The following UGT2A1 variants were observed in gnomAD, a reference collection of about 807,000 sequenced individuals.
The protein encoded by UGT2A1 is UDP glucuronosyltransferase family 2 member A1 complex locus.
In UGT2A1, 61 loss-of-function variants were observed where a neutral mutation model predicts 45.4. The ratio of observed to expected loss-of-function variants is 1.34; its 90% CI spans 1.09 to 1.66. UGT2A1 has a LOEUF of 1.66. UGT2A1 is among the 40% of genes most tolerant of loss of function. The probability of loss-of-function intolerance (pLI) is 0.00; values close to 1 mark genes in which losing one functional copy is unlikely to be tolerated. For synonymous variants in UGT2A1, 229 were observed against 196.2 expected (o/e 1.17, Z -1.40); for missense variants, 649 against 574.3 (o/e 1.13, Z -1.33).
intron 1 of UGT2A1, among the ~76,000 whole-genome samples, chr4:69,650,257 A>T (rs1722463061): frequency 6.6e-6 from 1 of 152,106 alleles, no homozygotes; most frequent in Non-Finnish European, 1.5e-5. Context: ...TTGGGTACCT[A>T]CTATTCACAC....
intron 1 of UGT2A1, among the ~76,000 whole-genome samples, chr4:69,648,376 T>C (rs1722378449): frequency 6.6e-6 from 1 of 151,754 alleles, no homozygotes; most frequent in Non-Finnish European, 1.5e-5. Context: ...ATGCTAGTAG[T>C]GAATAGGAGC....
intron 1 of UGT2A1, among the ~76,000 whole-genome samples, chr4:69,652,187 A>T (rs200102757): frequency 1.4e-5 from 2 of 146,418 alleles, no homozygotes; most frequent in Non-Finnish European, 3.0e-5. Context: ...TCTACTGGTT[A>T]ACAACTGCAT....
intron 3 of UGT2A1, among the ~76,000 whole-genome samples, chr4:69,608,565 A>T (rs1193439348): frequency 6.6e-6 from 1 of 152,140 alleles, no homozygotes; most frequent in African/African-American, 2.4e-5. Context: ...AAAGTATAAT[A>T]AAAAGAAAAA....
chr4:69,627,271 TA>T (rs933335367), intron 3 of UGT2A1, among the ~76,000 whole-genome samples: 2 of 151,618 alleles, frequency 1.3e-5, no homozygotes, highest in Non-Finnish European at 1.5e-5. Flanking sequence ...CAGAGATTTA[TA>T]AAAAAAATCA....
chr4:69,630,487 A>G (rs931827802), intron 3 of UGT2A1, among the ~76,000 whole-genome samples: 1 of 152,096 alleles, frequency 6.6e-6, no homozygotes, highest in Non-Finnish European at 1.5e-5. Context: ...AACCACCTTC[A>G]TTTGAATTTT....
chr4:69,625,963 T>C (rs995613153), intron 3 of UGT2A1, among the ~76,000 whole-genome samples: 1 of 151,620 alleles, frequency 6.6e-6, no homozygotes, highest in Non-Finnish European at 1.5e-5. Context: ...ATCTTAAAGA[T>C]ACTCAATAAC....
chr4:69,594,619 T>A lies in UGT2A1; in HGVS notation c.1162A>T (p.Met388Leu). The change falls in exon 6 of 7, where the codon ATG (methionine) becomes TTG (leucine). Residue 388 changes from methionine (M) to leucine (L), a missense_variant. By Grantham distance (15) the Met-to-Leu change is conservative. Transcript: ENST00000286604. ...IYEAIYHGVP[M>L]VGVPMFADQP... ...TCAGCAAACATGGGAACTCCCACCA[T>A]AGGGACTCCGTGGTAAATAGCTTCG... 1 of 1,614,112 alleles carries A rather than the reference T, an allele frequency of 6.2e-7. No individual in the cohort carries two copies. The highest frequency in any genetic ancestry group is 1.3e-5 in the African/African-American group (1 of 75,038).
chr4:69,621,515 G>C (rs2109937022), intron 3 of UGT2A1, among the ~76,000 whole-genome samples: 1 of 152,070 alleles, frequency 6.6e-6, no homozygotes, highest in South Asian at 2.1e-4. Flanking sequence ...ATGCTGGCGA[G>C]GTTGCAGAGA....
intron 3 of UGT2A1, among the ~76,000 whole-genome samples, chr4:69,628,035 T>C (rs1031854655): frequency 7.2e-5 from 11 of 151,994 alleles, no homozygotes; most frequent in African/African-American, 2.7e-4. Flanking sequence ...TAATCTCACT[T>C]GTCTGTTTTT....
chr4:69,594,346 T>C, intron 6 of UGT2A1, 131 bp downstream of exon 6: 1 of 1,222,900 alleles, frequency 8.2e-7, no homozygotes, highest in Non-Finnish European at 1.1e-6. Flanking sequence ...GCAAATAAAA[T>C]AGTTTTTATA....
At chr4:69,627,548 AAGAG>A (rs780406424) in intron 3 of UGT2A1, among the ~76,000 whole-genome samples, 101 of 62,650 alleles carry the variant, frequency 1.6e-3, no homozygotes, top group African/African-American at 3.2e-3. Flanking sequence ...GAGAGAGAGA[AAGAG>A]AGAGAGAGAG....
intron 3 of UGT2A1, among the ~76,000 whole-genome samples, chr4:69,624,283 ATGCAGCCACTCCAC>A (rs1349668934): frequency 6.6e-5 from 10 of 151,518 alleles, no homozygotes; most frequent in African/African-American, 1.7e-4. Context: ...TCTAATATTA[ATGCAGCCACTCCAC>A]CTTTACTTTA....
chr4:69,605,274 A>T (rs1360233966), intron 3 of UGT2A1, among the ~76,000 whole-genome samples: 1 of 137,070 alleles, frequency 7.3e-6, no homozygotes, highest in Non-Finnish European at 1.6e-5. Flanking sequence ...AATTCACTCA[A>T]AACCGCTCAA....
rs985791770 is a variant in UGT2A1 at position 69,603,934 on chromosome 4, C to T, written c.848-4540G>A. Reference sequence around the variant, plus strand: ...GGACTATGTGAAAAGACCAAATCTACGTCTGATTGGTGTACCTGAAAGTGA... The same window carrying T: ...GGACTATGTGAAAAGACCAAATCTATGTCTGATTGGTGTACCTGAAAGTGA... On this transcript the variant is annotated intron_variant, in intron 3 of 6. Coordinates refer to ENST00000286604, the MANE Select transcript of UGT2A1 (RefSeq NM_001252275.3). 3.7e-5 allele frequency among the ~76,000 whole-genome samples: 5 copies of T among 136,366 alleles called. 1 individual carries two copies. The highest frequency in any genetic ancestry group is 2.1e-4 in the East Asian group (1 of 4,838). 89.5% of individuals were successfully genotyped at this position (136,366 alleles called of 152,430 possible). A position where few individuals can be genotyped will look rare whatever the true frequency, so the allele number is the denominator to read the frequency against.
In UGT2A1 at chr4:69,635,687, T is replaced by A; in HGVS notation, c.847+4A>T. The A allele has an allele frequency of 3.6e-6, 1 of 279,838 alleles. No homozygotes were observed. Among genetic ancestry groups the A allele is most frequent in the Non-Finnish European group, 7.1e-6 (1 of 140,116 alleles). 17.3% of individuals were successfully genotyped at this position (279,838 alleles called of 1,614,324 possible). On this transcript the variant is annotated splice_donor_region_variant and intron_variant, in intron 3 of 6. Coordinates refer to ENST00000286604, the MANE Select transcript of UGT2A1 (RefSeq NM_001252275.3). ...TCTATTAAAAATACAAAAATTAGCC[T>A]GACCTGCTGGCAGCCTGTAATCCCA...
intron 1 of UGT2A1, among the ~76,000 whole-genome samples, chr4:69,651,683 A>G (rs915830000): frequency 6.6e-6 from 1 of 152,200 alleles, no homozygotes; most frequent in Non-Finnish European, 1.5e-5. Flanking sequence ...TTTATGATCC[A>G]CAGCTGTTAA....
At chr4:69,610,804 A>G (rs1179913413) in intron 3 of UGT2A1, among the ~76,000 whole-genome samples, 1 of 152,214 alleles carries the variant, frequency 6.6e-6, no homozygotes, top group African/African-American at 2.4e-5. Flanking sequence ...TTGGACGTCT[A>G]GCCATCAGAA....
At chr4:69,610,819 A>T (rs1366142084) in intron 3 of UGT2A1, among the ~76,000 whole-genome samples, 1 of 152,192 alleles carries the variant, frequency 6.6e-6, no homozygotes, top group Non-Finnish European at 1.5e-5. Flanking sequence ...TCAGAACTGT[A>T]AGAAAATAAA....
intron 1 of UGT2A1, among the ~76,000 whole-genome samples, chr4:69,649,056 G>A (rs897946252): frequency 6.6e-6 from 1 of 152,018 alleles, no homozygotes; most frequent in African/African-American, 2.4e-5. Flanking sequence ...CGATCTCTGT[G>A]AAAATATTAT....
Sources: allele counts gnomAD v4.1 joint callset (sites outside exome capture counted in the v4.1 genomes callset), GRCh38; gene constraint gnomAD v4.1.1; transcripts MANE v1.5; gene names NCBI Gene and HGNC (gene_info 2026-07-23, HGNC 2026-07-21).